The following PLD3 variants were observed in gnomAD, a reference collection of about 807,000 sequenced individuals.
PLD3 encodes phospholipase D family member 3, also known as 5'-3' exonuclease PLD3.
Under a neutral mutation model 58.4 loss-of-function variants are expected in PLD3, and 31 were observed. The ratio of observed to expected loss-of-function variants is 0.53; its 90% CI spans 0.40 to 0.72. PLD3 has a LOEUF of 0.72. PLD3 is among the 30% of genes least tolerant of loss of function. The pLI is 0.00. For missense variants in PLD3, 595 were observed against 659.8 expected (o/e 0.90, Z 1.08); for synonymous variants, 264 against 273.4 (o/e 0.97, Z 0.34).
chr19:40,377,634 G>T (rs976793469), intron 11 of PLD3, 152 bp from the exon 12 acceptor site: 7 of 625,018 alleles, frequency 1.1e-5, no homozygotes, highest in East Asian at 2.7e-5. Context: ...TTCTCAGAGG[G>T]CCCCTCCACC....
In PLD3 at chr19:40,366,283, C is replaced by T; in HGVS notation, c.-65-136C>T. On this transcript the variant is annotated intron_variant, in intron 2 of 12. Coordinates refer to ENST00000409735, the MANE Select transcript of PLD3 (RefSeq NM_012268.4). ...AATCCTGCTGACCAGTGACCAGCTT[C>T]CTCTTTTTGGGGTGGTGGGCAGTGT... 8.1e-6 allele frequency: 5 copies of T among 620,846 alleles called. No homozygotes were observed. In the South Asian group the frequency reaches 9.5e-5, roughly 12 times the overall value. 38.5% of individuals were successfully genotyped at this position (620,846 alleles called of 1,614,324 possible).
At chr19:40,364,607 T>A (rs7254808) in intron 1 of PLD3, among the ~76,000 whole-genome samples, 2 of 151,760 alleles carry the variant, frequency 1.3e-5, no homozygotes, top group African/African-American at 4.8e-5. Flanking sequence ...CTGGCTAACA[T>A]GGTGAAACCC....
chr19:40,360,592 A>AG (rs1448226509), intron 1 of PLD3: 3 of 151,568 alleles, frequency 2.0e-5, no homozygotes, highest in Non-Finnish European at 4.4e-5. Context: ...AAAAAAAAAA[A>AG]AAAAAAAAAA....
chr19:40,366,749 C>G (rs2145685801), intron 4 of PLD3, 24 bp from the exon 5 acceptor site: 3 of 1,613,906 alleles, frequency 1.9e-6, no homozygotes, highest in Non-Finnish European at 2.5e-6. Flanking sequence ...CTCGGGCTGG[C>G]TGACCACCTC....
chr19:40,350,611 G>T (rs1297008165), intron 1 of PLD3, among the ~76,000 whole-genome samples: 1 of 151,924 alleles, frequency 6.6e-6, no homozygotes, highest in Admixed American at 6.6e-5. Context: ...AGGCATGGTG[G>T]CGCGCCCCTA....
chr19:40,369,783 C>T, intron 6 of PLD3, 125 bp from the exon 7 acceptor site: 1 of 810,628 alleles, frequency 1.2e-6, no homozygotes, highest in Non-Finnish European at 1.9e-6. Flanking sequence ...AGTCTTTAAT[C>T]TATGCAGGCT....
chr19:40,374,754 C>A, intron 10 of PLD3, 134 bp downstream of exon 10: 1 of 929,446 alleles, frequency 1.1e-6, no homozygotes, highest in Non-Finnish European at 1.6e-6. Flanking sequence ...GAGAGACAGT[C>A]ACCAGGAGGT....
At chr19:40,366,545 G>A in intron 3 of PLD3, 35 bp downstream of exon 3, 2 of 1,602,280 alleles carry the variant, frequency 1.2e-6, no homozygotes, top group Non-Finnish European at 1.7e-6. Context: ...GGGTGGAACT[G>A]GGTACAGTGG....
intron 1 of PLD3, among the ~76,000 whole-genome samples, chr19:40,361,518 G>T (rs911136642): frequency 6.6e-6 from 1 of 152,132 alleles, no homozygotes; most frequent in Non-Finnish European, 1.5e-5. Flanking sequence ...AGCCCTGCAG[G>T]ATCTGGCCCT....
At chr19:40,360,946 G>C (rs142051529) in intron 1 of PLD3, among the ~76,000 whole-genome samples, 2 of 152,248 alleles carry the variant, frequency 1.3e-5, no homozygotes, top group African/African-American at 4.8e-5. Context: ...TTATGCTTGC[G>C]TGGGACACAT....
intron 1 of PLD3, among the ~76,000 whole-genome samples, chr19:40,351,735 G>T (rs910415754): frequency 2.6e-5 from 4 of 152,124 alleles, no homozygotes; most frequent in African/African-American, 9.7e-5. Context: ...ATCGTGGAAG[G>T]CCTTGTGAGC....
At chr19:40,361,242 G>A (rs1195235211) in intron 1 of PLD3, among the ~76,000 whole-genome samples, 1 of 152,122 alleles carries the variant, frequency 6.6e-6, no homozygotes, top group Admixed American at 6.5e-5. Flanking sequence ...ATCCCGAGTA[G>A]CTGGGATTAC....
intron 10 of PLD3, among the ~76,000 whole-genome samples, chr19:40,375,380 G>C (rs1412102896): frequency 6.6e-6 from 1 of 151,946 alleles, no homozygotes; most frequent in Non-Finnish European, 1.5e-5. Flanking sequence ...GCCGGACGTG[G>C]TGGCTCACAC....
intron 1 of PLD3, among the ~76,000 whole-genome samples, chr19:40,363,447 A>T (rs1228503667): frequency 1.4e-5 from 2 of 141,772 alleles, no homozygotes; most frequent in African/African-American, 5.4e-5. Flanking sequence ...TGTTTGTTTG[A>T]GACGGAGTCT....
At chr19:40,365,157 T>C (rs1236608343) in intron 1 of PLD3, among the ~76,000 whole-genome samples, 5 of 152,024 alleles carry the variant, frequency 3.3e-5, no homozygotes, top group South Asian at 2.1e-4. Flanking sequence ...CCCTGTCTCA[T>C]TGAGAGAGGT....
intron 1 of PLD3, among the ~76,000 whole-genome samples, chr19:40,350,794 G>C (rs1445989251): frequency 6.6e-6 from 1 of 151,960 alleles, no homozygotes; most frequent in African/African-American, 2.4e-5. Flanking sequence ...CACTCTAGTG[G>C]GGGTAAGAGG....
chr19:40,374,397 C>T (rs2079140651), intron 9 of PLD3, 84 bp from the exon 10 acceptor site: 1 of 1,453,012 alleles, frequency 6.9e-7, no homozygotes, highest in Non-Finnish European at 9.5e-7. Context: ...CAGTACCTGG[C>T]TTGTGGTGAG....
rs1309038476 is a variant in PLD3 at position 40,374,525 on chromosome 19, G to A, written c.924G>A (p.Leu308=). 2 of 1,614,166 alleles carry A rather than the reference G, an allele frequency of 1.2e-6. No individual in the cohort carries two copies. Among genetic ancestry groups the A allele is most frequent in the Admixed American group, 3.3e-5 (2 of 60,026 alleles). The change falls in exon 10 of 13, where the codon CTG becomes CTA. Residue 308 remains leucine (L), a synonymous_variant. Transcript: ENST00000409735. ...PLCPSGRTPD[L]KALLNVVDNA... ...GTCCAAGTGGCCGCACTCCAGACCT[G>A]AAGGCTCTACTCAACGTGGTGGACA...
intron 1 of PLD3, among the ~76,000 whole-genome samples, chr19:40,349,068 C>G (rs778996602): frequency 1.3e-5 from 2 of 152,042 alleles, no homozygotes; most frequent in Non-Finnish European, 2.9e-5. Context: ...CTTTCGTTCC[C>G]TGTAAGCCCT....
Sources: gnomAD v4.1 joint callset for allele counts (sites outside exome capture counted in the v4.1 genomes callset) on GRCh38, gnomAD v4.1.1 for gene constraint, MANE v1.5 for transcripts, NCBI Gene and HGNC (gene_info 2026-07-23, HGNC 2026-07-21) for gene names.